Variants in CCSER1 observed in about 807,000 individuals in gnomAD.
The protein encoded by CCSER1 is coiled-coil serine rich protein 1.
A neutral mutation model predicts 82.0 loss-of-function variants in CCSER1; 41 were observed. The observed-to-expected ratio is 0.50, with a 90% CI of 0.39 to 0.65. CCSER1 has a LOEUF of 0.65. CCSER1 is among the 30% of genes least tolerant of loss of function. CCSER1 has a pLI of 0.00. For missense variants in CCSER1, 1,119 were observed against 1,064.2 expected (o/e 1.05, Z -0.72); for synonymous variants, 414 against 383.9 (o/e 1.08, Z -0.92).
intron 6 of CCSER1, among the ~76,000 whole-genome samples, chr4:90,656,218 C>G (rs1410073974): frequency 6.6e-6 from 1 of 151,728 alleles, no homozygotes; most frequent in Non-Finnish European, 1.5e-5. Context: ...TCTTTATTTC[C>G]ATGTTTTCTC....
chr4:90,923,796 G>A (rs1370595710), intron 9 of CCSER1, among the ~76,000 whole-genome samples: 2 of 152,168 alleles, frequency 1.3e-5, no homozygotes, highest in African/African-American at 2.4e-5. Context: ...AAGTTACTAT[G>A]TTTGTAATCA....
intron 9 of CCSER1, among the ~76,000 whole-genome samples, chr4:91,047,174 G>T (rs539351132): frequency 9.3e-5 from 14 of 150,768 alleles, no homozygotes; most frequent in Non-Finnish European, 1.6e-4. Context: ...AGTGAGAGTT[G>T]CAGTGAGCTG....
At chr4:90,204,479 GT>G (rs1324644533) in intron 1 of CCSER1, among the ~76,000 whole-genome samples, 1 of 152,088 alleles carries the variant, frequency 6.6e-6, no homozygotes, top group East Asian at 1.9e-4. Context: ...TTTTTGTGAG[GT>G]TTGTCAAAGA....
intron 5 of CCSER1, among the ~76,000 whole-genome samples, chr4:90,491,604 A>G (rs971300772): frequency 2.6e-5 from 4 of 152,128 alleles, no homozygotes; most frequent in African/African-American, 9.7e-5. Context: ...CAGTTTTCAA[A>G]GGGAGTAGGT....
intron 1 of CCSER1, among the ~76,000 whole-genome samples, chr4:90,146,684 C>T (rs1441217545): frequency 1.3e-5 from 2 of 151,998 alleles, no homozygotes; most frequent in African/African-American, 4.8e-5. Flanking sequence ...GGATTATGTT[C>T]ATAAAATACC....
intron 10 of CCSER1, among the ~76,000 whole-genome samples, chr4:91,404,691 G>A (rs918320634): frequency 6.6e-6 from 1 of 152,152 alleles, no homozygotes; most frequent in Non-Finnish European, 1.5e-5. Flanking sequence ...CAGTTTCCAT[G>A]TTGTTGAGGG....
In CCSER1 at chr4:91,256,164, G is replaced by A. The variant is rs552150452; in HGVS notation, c.2217+170170G>A. Among the ~76,000 whole-genome samples, 13 of 152,232 alleles carry A rather than the reference G, an allele frequency of 8.5e-5. 1 individual carries two copies. The South Asian group carries it at 1.5e-3, about 17-fold the overall frequency. On this transcript the variant is annotated intron_variant, in intron 10 of 10. Coordinates refer to ENST00000509176, the MANE Select transcript of CCSER1 (RefSeq NM_001145065.2). ...GGTGGGGGGGCCCTCTAAAATGGCC[G>A]CTCTTGGAGTGTCTGCCTTATGCAG...
chr4:91,506,162 T>C (rs553809249), intron 10 of CCSER1, among the ~76,000 whole-genome samples: 4 of 152,286 alleles, frequency 2.6e-5, no homozygotes, highest in Middle Eastern at 3.4e-3. Context: ...GGCTAGCCAG[T>C]TTTCCTAGCA....
At chr4:91,490,322 C>T (rs1179410453) in intron 10 of CCSER1, among the ~76,000 whole-genome samples, 1 of 151,978 alleles carries the variant, frequency 6.6e-6, no homozygotes, top group African/African-American at 2.4e-5. Context: ...TCACAGTAGT[C>T]AAGATTTGGA....
intron 10 of CCSER1, among the ~76,000 whole-genome samples, chr4:91,165,587 A>G (rs1343665066): frequency 6.6e-6 from 1 of 152,206 alleles, no homozygotes; most frequent in Non-Finnish European, 1.5e-5. Context: ...GGCTCCATCC[A>G]GTGTGAGCTT....
intron 8 of CCSER1, among the ~76,000 whole-genome samples, chr4:90,820,413 C>T (rs181962992): frequency 6.6e-6 from 1 of 152,266 alleles, no homozygotes; most frequent in Non-Finnish European, 1.5e-5. Context: ...GGTTAGGGCC[C>T]ATCTCTCTGC....
At chr4:90,959,179 A>G (rs1024847976) in intron 9 of CCSER1, among the ~76,000 whole-genome samples, 1 of 152,220 alleles carries the variant, frequency 6.6e-6, no homozygotes, top group African/African-American at 2.4e-5. Flanking sequence ...TTACAGAATT[A>G]TAAAACAGCC....
At chr4:90,761,726 G>A (rs1257586963) in intron 7 of CCSER1, among the ~76,000 whole-genome samples, 1 of 152,078 alleles carries the variant, frequency 6.6e-6, no homozygotes, top group African/African-American at 2.4e-5. Context: ...TTCCCTAAAG[G>A]CAGTGCTTTG....
chr4:90,130,663 A>G (rs1301370667), intron 1 of CCSER1, among the ~76,000 whole-genome samples: 1 of 151,850 alleles, frequency 6.6e-6, no homozygotes, highest in Non-Finnish European at 1.5e-5. Flanking sequence ...TTGCTCTGTC[A>G]CCCAGGCTGG....
At position 91,109,328 on chromosome 4, in the gene CCSER1, T is replaced by TCTAC. The variant is rs539405563; in HGVS notation, c.2217+23345_2217+23348dup. Among the ~76,000 whole-genome samples, 17 of 152,266 alleles carry TCTAC rather than the reference T, an allele frequency of 1.1e-4. 1 individual carries two copies. In the South Asian group the frequency reaches 3.5e-3, roughly 32 times the overall value. Reference sequence around the variant, plus strand: ...GATTGATGTATCAATCTATCATGTATCTACCTACCTACCTTTCTACCTACC... The same window carrying TCTAC: ...GATTGATGTATCAATCTATCATGTATCTACCTACCTACCTACCTTTCTACCTACC... On this transcript the variant is annotated intron_variant, in intron 10 of 10. Coordinates refer to ENST00000509176, the MANE Select transcript of CCSER1 (RefSeq NM_001145065.2).
intron 7 of CCSER1, among the ~76,000 whole-genome samples, chr4:90,759,844 C>G (rs1214822322): frequency 6.6e-6 from 1 of 151,916 alleles, no homozygotes; most frequent in Non-Finnish European, 1.5e-5. Context: ...ATGACCAAAT[C>G]AAGAGCAAAA....
intron 10 of CCSER1, among the ~76,000 whole-genome samples, chr4:91,589,384 T>C (rs1668531775): frequency 6.6e-6 from 1 of 151,918 alleles, no homozygotes; most frequent in Admixed American, 6.6e-5. Flanking sequence ...TTTATGCATT[T>C]ATTGGACTCC....
At chr4:90,810,372 G>A (rs1758094909) in intron 7 of CCSER1, among the ~76,000 whole-genome samples, 1 of 152,128 alleles carries the variant, frequency 6.6e-6, no homozygotes, top group Non-Finnish European at 1.5e-5. Context: ...GTGAGGCCAG[G>A]AACAGTGGCT....
At chr4:90,767,873 G>A (rs935300847) in intron 7 of CCSER1, among the ~76,000 whole-genome samples, 6 of 148,662 alleles carry the variant, frequency 4.0e-5, no homozygotes, top group Non-Finnish European at 7.5e-5. Context: ...GGCTGGTGTC[G>A]AACTTCTGGG....
Sources: gnomAD v4.1 joint callset for allele counts (sites outside exome capture counted in the v4.1 genomes callset) on GRCh38, gnomAD v4.1.1 for gene constraint, MANE v1.5 for transcripts, NCBI Gene and HGNC (gene_info 2026-07-23, HGNC 2026-07-21) for gene names.